The following HMGB1 variants were observed in gnomAD, a reference collection of about 807,000 sequenced individuals.
HMGB1 encodes the protein high mobility group protein B1.
For missense variants in HMGB1, 79 were observed against 253.5 expected (o/e 0.31, Z 4.67); for synonymous variants, 81 against 84.0 (o/e 0.96, Z 0.19).
chr13:30,601,281 T>C (rs182263033), intron 1 of HMGB1, among the ~76,000 whole-genome samples: 3 of 152,342 alleles, frequency 2.0e-5, no homozygotes, highest in Admixed American at 2.0e-4. Context: ...CTTTTCTGAC[T>C]CAGCCCGCCT....
chr13:30,483,935 G>C (rs560165620), intron 1 of HMGB1, among the ~76,000 whole-genome samples: 1 of 152,266 alleles, frequency 6.6e-6, no homozygotes, highest in African/African-American at 2.4e-5. Context: ...TCTTAGCAGA[G>C]CATCCTAGGC....
At chr13:30,548,183 T>C (rs1194593335) in intron 1 of HMGB1, among the ~76,000 whole-genome samples, 1 of 152,120 alleles carries the variant, frequency 6.6e-6, no homozygotes, top group East Asian at 1.9e-4. Context: ...GGGAGGTAAT[T>C]GAATCATGGG....
Position 30,607,855 on chromosome 13 carries a change from C to T in HMGB1, c.-15+8816G>A, listed in dbSNP as rs115275440. Among the ~76,000 whole-genome samples the T allele has an allele frequency of 9.8e-3, 1,491 of 152,164 alleles. 30 individuals are homozygous for T. The highest frequency in any genetic ancestry group is 0.034 in the African/African-American group (1,416 of 41,498). ...ATTATTTCACAAAATTACCATGAAA[C>T]GATTTTATTGGGATATTAGACATTA... On this transcript the variant is annotated intron_variant, in intron 1 of 4. Transcript: ENST00000405805.
intron 1 of HMGB1, among the ~76,000 whole-genome samples, chr13:30,484,869 A>C (rs1396168739): frequency 1.3e-5 from 2 of 152,114 alleles, no homozygotes; most frequent in Non-Finnish European, 2.9e-5. Context: ...TACACAGTGC[A>C]ATCTTTTATT....
At chr13:30,529,397 G>C (rs977177354) in intron 1 of HMGB1, among the ~76,000 whole-genome samples, 2 of 152,222 alleles carry the variant, frequency 1.3e-5, no homozygotes, top group Non-Finnish European at 2.9e-5. Flanking sequence ...GAGGCAAGAA[G>C]TAACTGAGCT....
intron 1 of HMGB1, among the ~76,000 whole-genome samples, chr13:30,599,392 T>C (rs891042886): frequency 6.6e-6 from 1 of 152,116 alleles, no homozygotes; most frequent in African/African-American, 2.4e-5. Flanking sequence ...CGCTTGAACC[T>C]GGGAGGCGGA....
chr13:30,481,433 G>A (rs972957302), intron 1 of HMGB1, among the ~76,000 whole-genome samples: 2 of 152,184 alleles, frequency 1.3e-5, no homozygotes, highest in African/African-American at 4.8e-5. Context: ...AGCACTAACC[G>A]CTAAACGCTA....
chr13:30,495,074 A>T (rs1031325739), intron 1 of HMGB1, among the ~76,000 whole-genome samples: 8 of 152,190 alleles, frequency 5.3e-5, no homozygotes. Context: ...CCATTTATCC[A>T]TCGACGGACA....
rs776923842 is a variant in HMGB1, at chr13:30,474,959, GTTTT to G, written c.-14-11269_-14-11266del. ...TCTTTTTTTTTTCTTTTCTTTTTTT[GTTTT>G]TTTTTTTTTTTTTTTTTTGAGACAG... On this transcript the variant is annotated intron_variant, in intron 1 of 4. Coordinates refer to the HMGB1 transcript ENST00000405805. Among the ~76,000 whole-genome samples the G allele has an allele frequency of 2.7e-3, 172 of 63,982 alleles. 2 individuals are homozygous for G. Among genetic ancestry groups the G allele is most frequent in the African/African-American group, 0.01 (140 of 13,796 alleles). 42.0% of individuals were successfully genotyped at this position (63,982 alleles called of 152,430 possible).
At chr13:30,531,260 T>C (rs1593293631) in intron 1 of HMGB1, among the ~76,000 whole-genome samples, 1 of 152,264 alleles carries the variant, frequency 6.6e-6, no homozygotes, top group Admixed American at 6.5e-5. Context: ...AAATGAATGA[T>C]GGCATCCCCT....
intron 1 of HMGB1, among the ~76,000 whole-genome samples, chr13:30,615,844 T>C (rs1156958745): frequency 2.6e-5 from 4 of 152,248 alleles, no homozygotes; most frequent in Non-Finnish European, 1.5e-5. Context: ...ACTGAACTAC[T>C]GCAGCTGTTC....
chr13:30,510,141 A>T lies in HMGB1; in HGVS notation c.-14-46447T>A, dbSNP rs151257408. On this transcript the variant is annotated intron_variant, in intron 1 of 4. Transcript: ENST00000405805. ...CTGCTCAGGCCGGGCACCGTAACTG[A>T]CCTCATAGCCTCAGCCAGGTATCTG... 4.6e-5 allele frequency among the ~76,000 whole-genome samples: 7 copies of T among 152,282 alleles called. No individual in the cohort carries two copies. In the East Asian group the frequency reaches 1.4e-3, roughly 29 times the overall value.
chr13:30,478,177 A>G (rs1887142313), intron 1 of HMGB1, among the ~76,000 whole-genome samples: 2 of 152,164 alleles, frequency 1.3e-5, no homozygotes, highest in South Asian at 2.1e-4. Context: ...ATATTCAGAA[A>G]TAAGTAAAAA....
chr13:30,547,631 T>C (rs1360070320), intron 1 of HMGB1, among the ~76,000 whole-genome samples: 2 of 152,200 alleles, frequency 1.3e-5, no homozygotes, highest in African/African-American at 4.8e-5. Context: ...TAGATTTTTT[T>C]TTTTTTTAAT....
intron 1 of HMGB1, among the ~76,000 whole-genome samples, chr13:30,498,124 T>A (rs745872287): frequency 2.0e-5 from 3 of 152,200 alleles, no homozygotes; most frequent in Non-Finnish European, 2.9e-5. Context: ...GCATCTGTTA[T>A]TTTTTGACTT....
At chr13:30,585,223 G>A (rs2137546706) in intron 1 of HMGB1, among the ~76,000 whole-genome samples, 1 of 151,930 alleles carries the variant, frequency 6.6e-6, no homozygotes, top group Admixed American at 6.6e-5. Flanking sequence ...TAAGGTGGGA[G>A]GGTCACCTGA....
intron 1 of HMGB1, among the ~76,000 whole-genome samples, chr13:30,587,055 T>C (rs1435654599): frequency 2.0e-5 from 3 of 152,220 alleles, no homozygotes; most frequent in African/African-American, 7.2e-5. Context: ...TGTAGGATTA[T>C]TATTTTTTAA....
At chr13:30,602,035 C>A (rs1238010718) in intron 1 of HMGB1, among the ~76,000 whole-genome samples, 3 of 152,072 alleles carry the variant, frequency 2.0e-5, no homozygotes, top group East Asian at 3.8e-4. Flanking sequence ...GTGAACAGGA[C>A]GTGCACATGT....
At chr13:30,512,235 A>G (rs1043490341) in intron 1 of HMGB1, among the ~76,000 whole-genome samples, 1 of 152,190 alleles carries the variant, frequency 6.6e-6, no homozygotes, top group African/African-American at 2.4e-5. Context: ...AGGTAACCCA[A>G]AACTCCAATC....
Sources: gnomAD v4.1 joint callset for allele counts (sites outside exome capture counted in the v4.1 genomes callset) on GRCh38, gnomAD v4.1.1 for gene constraint, MANE v1.5 for transcripts, NCBI Gene and HGNC (gene_info 2026-07-23, HGNC 2026-07-21) for gene names.